Variants in PRKCZ observed in about 807,000 individuals in gnomAD.
The protein encoded by PRKCZ is protein kinase C zeta, also known as protein kinase C zeta type.
PRKCZ carries 33 observed loss-of-function variants against 79.5 expected under a neutral mutation model. That is an observed-to-expected ratio of 0.41 (90% CI 0.31 to 0.55). The LOEUF (loss-of-function observed/expected upper bound fraction) is 0.55. Ranked by LOEUF, PRKCZ falls within the 20% of genes least tolerant of loss-of-function variation. The pLI is 0.19. For synonymous variants in PRKCZ, 342 were observed against 320.9 expected (o/e 1.07, Z -0.70); for missense variants, 578 against 813.5 (o/e 0.71, Z 3.52).
intron 16 of PRKCZ, 67 bp downstream of exon 16, chr1:2,175,380 TCCCAACCCCAACCCCAATATTCA>T: frequency 1.8e-6 from 2 of 1,138,010 alleles, no homozygotes; most frequent in Non-Finnish European, 2.3e-6. Flanking sequence ...CCAACCCCCA[TCCCAACCCCAACCCCAATATTCA>T]CCCAACCCCC....
intron 15 of PRKCZ, 136 bp from the exon 16 acceptor site, chr1:2,175,088 A>G: frequency 1.3e-6 from 1 of 783,116 alleles, no homozygotes. Flanking sequence ...TCAATAAAGG[A>G]AACATCTGAT....
At position 2,168,211 on chromosome 1, in the gene PRKCZ, G is replaced by A. The variant is rs1408435881; in HGVS notation, c.975-1307G>A. On this transcript the variant is annotated intron_variant, in intron 10 of 17. Transcript: ENST00000378567. The surrounding 1 kb of genome is among the most constrained non-coding windows in gnomAD (Gnocchi z 4.7). ...CTCTGTTAGCAACTCCCTCTGCCAC[G>A]GTGGCTGGAAAGCAGACATAGAAAA... Among the ~76,000 whole-genome samples the A allele has an allele frequency of 4.6e-5, 7 of 152,144 alleles. No individual in the cohort carries two copies. Among genetic ancestry groups the A allele is most frequent in the East Asian group, 1.9e-4 (1 of 5,190 alleles).
intron 10 of PRKCZ, chr1:2,169,273 G>C: frequency 1.8e-6 from 1 of 543,204 alleles, no homozygotes; most frequent in Non-Finnish European, 3.5e-6. Context: ...ACACACAGTG[G>C]CCAAGAGTGA....
chr1:2,078,695 T>G (rs1571207641), intron 4 of PRKCZ, among the ~76,000 whole-genome samples: 1 of 152,150 alleles, frequency 6.6e-6, no homozygotes, highest in East Asian at 1.9e-4. Flanking sequence ...AGGCTGGTCC[T>G]TTAATTTTCT....
At chr1:2,157,669 G>T (rs1435466368) in intron 10 of PRKCZ, among the ~76,000 whole-genome samples, 1 of 150,134 alleles carries the variant, frequency 6.7e-6, no homozygotes, top group Non-Finnish European at 1.5e-5. Flanking sequence ...GCCTCCCAAA[G>T]TGTTGGGATT....
At chr1:2,110,053 A>G (rs1669416659) in intron 4 of PRKCZ, among the ~76,000 whole-genome samples, 2 of 151,594 alleles carry the variant, frequency 1.3e-5, no homozygotes, top group Admixed American at 1.3e-4. Context: ...CCAAGGACCT[A>G]AAACCAATGG....
intron 4 of PRKCZ, among the ~76,000 whole-genome samples, chr1:2,060,275 C>T (rs1469919617): frequency 6.6e-6 from 1 of 152,208 alleles, no homozygotes; most frequent in Non-Finnish European, 1.5e-5. Flanking sequence ...GCACGTGGCT[C>T]AGTGCCCTTC....
At chr1:2,102,506 G>T (rs1439670972) in intron 4 of PRKCZ, among the ~76,000 whole-genome samples, 42 of 151,424 alleles carry the variant, frequency 2.8e-4, no homozygotes, top group South Asian at 4.2e-4. Context: ...CTAATTTTTT[G>T]TATTTTTAGT....
chr1:2,172,025 C>A lies in PRKCZ; in HGVS notation c.1062-30C>A. On this transcript the variant is annotated intron_variant, in intron 11 of 17. Coordinates refer to ENST00000378567, the MANE Select transcript of PRKCZ (RefSeq NM_002744.6). The surrounding 1 kb of genome is among the most constrained non-coding windows in gnomAD (Gnocchi z 7.8). ...GTTGGCGCAGCCTCTGGCACAGGCACTGCCCCCATGACGGCATCCCCACCC... is the reference window on the plus strand; with the variant it reads ...GTTGGCGCAGCCTCTGGCACAGGCAATGCCCCCATGACGGCATCCCCACCC... 6.4e-7 allele frequency: 1 copy of A among 1,573,716 alleles called. No individual in the cohort carries two copies.
chr1:2,064,332 T>C (rs1660950348), intron 4 of PRKCZ, among the ~76,000 whole-genome samples: 1 of 152,258 alleles, frequency 6.6e-6, no homozygotes, highest in South Asian at 2.1e-4. Flanking sequence ...TTTTACTTTG[T>C]TGATAGTGCC....
intron 16 of PRKCZ, among the ~76,000 whole-genome samples, chr1:2,176,594 G>A (rs549812836): frequency 3.9e-5 from 6 of 152,360 alleles, no homozygotes; most frequent in East Asian, 1.9e-4. Flanking sequence ...TGGATAGCTC[G>A]TTCAGTGCAT....
rs556444578 is a variant in PRKCZ at position 2,173,137 on chromosome 1, T to C, written c.1285+749T>C. ...CCTGGTGTTTTCAATGAGGCATGCA[T>C]GGTGTGCCTTCAGACATTTTTACAC... On this transcript the variant is annotated intron_variant, in intron 13 of 17. Coordinates refer to ENST00000378567, the MANE Select transcript of PRKCZ (RefSeq NM_002744.6). The surrounding 1 kb of genome is among the most constrained non-coding windows in gnomAD (Gnocchi z 5.7). Among the ~76,000 whole-genome samples the C allele has an allele frequency of 6.6e-6, 1 of 152,336 alleles. No individual in the cohort carries two copies. Among genetic ancestry groups the C allele is most frequent in the South Asian group, 2.1e-4 (1 of 4,834 alleles).
intron 10 of PRKCZ, among the ~76,000 whole-genome samples, chr1:2,158,386 C>T (rs145154621): frequency 6.6e-6 from 1 of 152,342 alleles, no homozygotes; most frequent in East Asian, 1.9e-4. Context: ...TTGTGGTGAC[C>T]AGGCCCCAGT....
chr1:2,121,654 T>C lies in PRKCZ; in HGVS notation c.335-13608T>C, dbSNP rs371955047. On this transcript the variant is annotated intron_variant, in intron 4 of 17. Coordinates refer to ENST00000378567, the MANE Select transcript of PRKCZ (RefSeq NM_002744.6). ...GTCACAGTGGTAGTTAGGGTCACGGTGGTGGTTAGGGTCGTGGTGGTGGTT... is the reference window on the plus strand; with the variant it reads ...GTCACAGTGGTAGTTAGGGTCACGGCGGTGGTTAGGGTCGTGGTGGTGGTT... Among the ~76,000 whole-genome samples the C allele has an allele frequency of 9.1e-3, 443 of 48,668 alleles. 84 individuals carry two copies. Among genetic ancestry groups the C allele is most frequent in the East Asian group, 0.058 (116 of 2,008 alleles). 31.9% of individuals were successfully genotyped at this position (48,668 alleles called of 152,430 possible).
At chr1:2,087,722 T>C (rs1418402776) in intron 4 of PRKCZ, among the ~76,000 whole-genome samples, 4 of 152,060 alleles carry the variant, frequency 2.6e-5, no homozygotes, top group African/African-American at 9.7e-5. Context: ...TGCTCTGAAG[T>C]GACCTTTTGG....
At chr1:2,095,956 T>C (rs1289453141) in intron 4 of PRKCZ, among the ~76,000 whole-genome samples, 1 of 131,074 alleles carries the variant, frequency 7.6e-6, no homozygotes, top group Non-Finnish European at 1.6e-5. Context: ...TCCCCTCACC[T>C]GTTTGACTCT....
chr1:2,166,035 G>T (rs567037783), intron 10 of PRKCZ, among the ~76,000 whole-genome samples: 1 of 152,320 alleles, frequency 6.6e-6, no homozygotes, highest in African/African-American at 2.4e-5. Flanking sequence ...TGCGGTCTGC[G>T]TCTCGCCTGG....
At chr1:2,069,625 C>T (rs988131934) in intron 4 of PRKCZ, among the ~76,000 whole-genome samples, 5 of 152,186 alleles carry the variant, frequency 3.3e-5, no homozygotes, top group Admixed American at 1.3e-4. Context: ...CAGCCAGGGC[C>T]CTTTCTGCCA....
chr1:2,154,963 T>C (rs573879249), intron 9 of PRKCZ, among the ~76,000 whole-genome samples: 1 of 152,320 alleles, frequency 6.6e-6, no homozygotes, highest in South Asian at 2.1e-4. Context: ...TCCACCTCAA[T>C]TTCCTTGTGT....
Sources: allele counts gnomAD v4.1 joint callset (sites outside exome capture counted in the v4.1 genomes callset), GRCh38; gene constraint gnomAD v4.1.1; non-coding constraint Gnocchi (gnomAD v3.1); transcripts MANE v1.5; gene names NCBI Gene and HGNC (gene_info 2026-07-23, HGNC 2026-07-21).